Variants in EFHD1 observed in about 807,000 individuals in gnomAD.
EFHD1 encodes the protein EF-hand domain-containing protein D1.
Under a neutral mutation model 17.2 loss-of-function variants are expected in EFHD1, and 10 were observed. That is an observed-to-expected ratio of 0.58 (90% CI 0.36 to 0.99). The LOEUF (loss-of-function observed/expected upper bound fraction) is 0.99. Among genes scored for constraint, EFHD1 ranks in the 50% least tolerant of loss-of-function variants. The pLI is 0.01. For missense variants in EFHD1, 310 were observed against 327.5 expected, an observed-to-expected ratio of 0.95 and a Z score of 0.41; for synonymous variants, 153 against 142.0, an observed-to-expected ratio of 1.08 and a Z score of -0.55.
At chr2:232,645,953 A>T (rs1474845099) in intron 1 of EFHD1, among the ~76,000 whole-genome samples, 1 of 151,958 alleles carries the variant, frequency 6.6e-6, no homozygotes, top group Non-Finnish European at 1.5e-5. Flanking sequence ...TCCAAATCTC[A>T]GCCATCCTCG....
At chr2:232,633,071 T>C (rs1006197841), upstream of EFHD1, among the ~76,000 whole-genome samples, 3 of 152,244 alleles carry the variant, frequency 2.0e-5, no homozygotes, top group Non-Finnish European at 4.4e-5. Flanking sequence ...TTTTAGCATG[T>C]TTTGGAAACA....
chr2:232,635,014 T>TG (rs1559343125), intron 1 of EFHD1, among the ~76,000 whole-genome samples: 1 of 151,726 alleles, frequency 6.6e-6, no homozygotes, highest in Non-Finnish European at 1.5e-5. Flanking sequence ...CGCCTGAGCC[T>TG]CCGCTGCCCC....
intron 1 of EFHD1, among the ~76,000 whole-genome samples, chr2:232,655,641 G>A (rs1328279158): frequency 6.6e-6 from 1 of 152,152 alleles, no homozygotes; most frequent in Non-Finnish European, 1.5e-5. Context: ...TGGCCGTTTT[G>A]CCAGAAGGCA....
intron 1 of EFHD1, among the ~76,000 whole-genome samples, chr2:232,614,586 C>T (rs1693888912): frequency 6.6e-6 from 1 of 152,222 alleles, no homozygotes; most frequent in Non-Finnish European, 1.5e-5. Flanking sequence ...CTAATCCCCT[C>T]AAGAATTAGA....
At chr2:232,635,890 C>T (rs1017268523) in intron 1 of EFHD1, among the ~76,000 whole-genome samples, 2 of 151,824 alleles carry the variant, frequency 1.3e-5, no homozygotes, top group Non-Finnish European at 2.9e-5. Context: ...ACAGTTCAAC[C>T]AGTACTTGGT....
chr2:232,658,185 G>A (rs1213867041), intron 1 of EFHD1, among the ~76,000 whole-genome samples: 1 of 151,948 alleles, frequency 6.6e-6, no homozygotes, highest in Admixed American at 6.6e-5. Flanking sequence ...TTATAGGCAT[G>A]AGCCACTGCA....
At chr2:232,637,267 G>A (rs866149612) in intron 1 of EFHD1, among the ~76,000 whole-genome samples, 2 of 151,614 alleles carry the variant, frequency 1.3e-5, no homozygotes, top group Admixed American at 6.6e-5. Flanking sequence ...TGGTATGGGC[G>A]CATCACCGTA....
chr2:232,647,818 G>T (rs1442372204), intron 1 of EFHD1, among the ~76,000 whole-genome samples: 1 of 151,986 alleles, frequency 6.6e-6, no homozygotes, highest in East Asian at 1.9e-4. Context: ...TGTATTTTTA[G>T]TAGAAACGGG....
chr2:232,606,295 C>CA, intron 1 of EFHD1: 1 of 1,200,558 alleles, frequency 8.3e-7, no homozygotes, highest in Non-Finnish European at 1.2e-6. Flanking sequence ...CACCGGAGGG[C>CA]ACTCCCGGCC....
intron 1 of EFHD1, among the ~76,000 whole-genome samples, chr2:232,610,099 G>C (rs1227054456): frequency 6.6e-6 from 1 of 152,240 alleles, no homozygotes; most frequent in African/African-American, 2.4e-5. Context: ...GGGCTGGGTA[G>C]TCCTTGTGGG....
At chr2:232,631,512 T>C (rs1694200592), upstream of EFHD1, among the ~76,000 whole-genome samples, 1 of 151,442 alleles carries the variant, frequency 6.6e-6, no homozygotes, top group African/African-American at 2.4e-5. Context: ...GGTTTTGCCA[T>C]GTTGCCCAAG....
chr2:232,612,066 G>C (rs929706524), intron 1 of EFHD1: 5 of 152,168 alleles, frequency 3.3e-5, no homozygotes, highest in Admixed American at 6.6e-5. Flanking sequence ...TGCCCAGACT[G>C]ATCTCCAACT....
intron 2 of EFHD1, among the ~76,000 whole-genome samples, chr2:232,663,369 A>G (rs1352151305): frequency 6.6e-6 from 1 of 151,832 alleles, no homozygotes; most frequent in African/African-American, 2.4e-5. Flanking sequence ...GATATATTTT[A>G]TTTATTTTTA....
At chr2:232,648,951 A>G (rs950830345) in intron 1 of EFHD1, among the ~76,000 whole-genome samples, 1 of 152,140 alleles carries the variant, frequency 6.6e-6, no homozygotes, top group Admixed American at 6.5e-5. Flanking sequence ...GTTCTGGGGC[A>G]CTGCTACCCT....
At chr2:232,613,849 A>C (rs1574698699) in intron 1 of EFHD1, among the ~76,000 whole-genome samples, 1 of 150,692 alleles carries the variant, frequency 6.6e-6, no homozygotes, top group East Asian at 2.0e-4. Flanking sequence ...TACACACACA[A>C]ATATATACAC....
chr2:232,635,552 C>T (rs1044068329), intron 1 of EFHD1, among the ~76,000 whole-genome samples: 1 of 152,172 alleles, frequency 6.6e-6, no homozygotes, highest in Non-Finnish European at 1.5e-5. Flanking sequence ...GGCACAGTGG[C>T]TTACGGCTGT....
chr2:232,632,730 ATCC>A (rs913612598), upstream of EFHD1, among the ~76,000 whole-genome samples: 19 of 152,064 alleles, frequency 1.2e-4, no homozygotes, highest in African/African-American at 4.1e-4. Context: ...GGCTCAAGCC[ATCC>A]TCCTACTTCA....
At chr2:232,653,869 G>C (rs930335682) in intron 1 of EFHD1, among the ~76,000 whole-genome samples, 3 of 152,120 alleles carry the variant, frequency 2.0e-5, no homozygotes, top group Non-Finnish European at 2.9e-5. Flanking sequence ...CTGTTTCCCA[G>C]CACATTCTCT....
At position 232,662,781 on chromosome 2, in the gene EFHD1, T is replaced by C. The variant is rs369894527; in HGVS notation, c.303-21T>C. On this transcript the variant is annotated intron_variant, in intron 1 of 3. Transcript: ENST00000264059. ...AACGAGTGTCCTTTCATCCCGGTCATGCATTCCTTTGACCCTGCAGGTATG... is the reference window on the plus strand; with the variant it reads ...AACGAGTGTCCTTTCATCCCGGTCACGCATTCCTTTGACCCTGCAGGTATG... 1.3e-4 allele frequency: 195 copies of C among 1,554,500 alleles called. No homozygotes were observed. The African/African-American group carries it at 2.4e-3, about 19-fold the overall frequency.
Sources: allele counts gnomAD v4.1 joint callset (sites outside exome capture counted in the v4.1 genomes callset), GRCh38; gene constraint gnomAD v4.1.1; transcripts MANE v1.5; gene names NCBI Gene and HGNC (gene_info 2026-07-23, HGNC 2026-07-21).